INSYN2B: variants seen among roughly 807,000 people sequenced by gnomAD.
The protein encoded by INSYN2B is protein INSYN2B.
INSYN2B carries 16 observed loss-of-function variants against 41.2 expected under a neutral mutation model. That is an observed-to-expected ratio of 0.39 (90% confidence interval 0.26 to 0.59). The LOEUF is 0.59. INSYN2B is among the 20% of genes least tolerant of loss of function. The probability of loss-of-function intolerance (pLI) is 0.57; values close to 1 mark genes in which losing one functional copy is unlikely to be tolerated. For missense variants in INSYN2B, 608 were observed against 646.4 expected, an observed-to-expected ratio of 0.94 and a Z score of 0.64; for synonymous variants, 245 against 244.4, an observed-to-expected ratio of 1.00 and a Z score of -0.02.
chr5:169,902,821 C>T (rs1774004789), intron 1 of INSYN2B, among the ~76,000 whole-genome samples: 1 of 152,024 alleles, frequency 6.6e-6, no homozygotes, highest in Admixed American at 6.5e-5. Flanking sequence ...GGGGTGAGGC[C>T]AGGCGTGGTG....
intron 1 of INSYN2B, among the ~76,000 whole-genome samples, chr5:169,920,792 A>C (rs1250897938): frequency 2.0e-5 from 3 of 152,190 alleles, no homozygotes; most frequent in Admixed American, 6.5e-5. Flanking sequence ...CTAAGAGCTG[A>C]ATGGCTGAGC....
Position 169,863,117 on chromosome 5 carries a change from G to A in INSYN2B, c.*1156C>T, listed in dbSNP as rs976268451. Among the ~76,000 whole-genome samples, 3 of 152,170 alleles carry A rather than the reference G, an allele frequency of 2.0e-5. No individual in the cohort carries two copies. Among genetic ancestry groups the A allele is most frequent in the Non-Finnish European group, 4.4e-5 (3 of 68,032 alleles). ...CATGCAAGTTTGACTGGATCCACAT[G>A]TATGTAGGTCTTGTCAACAGAATGA... On this transcript the variant is annotated 3_prime_UTR_variant, in exon 4 of 4. Transcript: ENST00000377365.
chr5:169,943,832 A>C (rs143148193), intron 1 of INSYN2B, among the ~76,000 whole-genome samples: 83 of 152,326 alleles, frequency 5.4e-4, no homozygotes, highest in African/African-American at 1.6e-3. Flanking sequence ...TCTGACGCTC[A>C]TTAAGTTTGA....
intron 1 of INSYN2B, among the ~76,000 whole-genome samples, chr5:169,912,722 T>G (rs188018831): frequency 1.2e-4 from 19 of 152,214 alleles, no homozygotes; most frequent in African/African-American, 4.6e-4. Flanking sequence ...TGGTCCAGCT[T>G]ATTGTCCAAT....
At chr5:169,933,273 G>A (rs373599763) in intron 1 of INSYN2B, among the ~76,000 whole-genome samples, 1 of 152,196 alleles carries the variant, frequency 6.6e-6, no homozygotes, top group East Asian at 1.9e-4. Flanking sequence ...TTAGCCTGTA[G>A]GACAGTGGCT....
chr5:169,969,948 A>G (rs1306707599), intron 1 of INSYN2B, among the ~76,000 whole-genome samples: 1 of 152,238 alleles, frequency 6.6e-6, no homozygotes, highest in African/African-American at 2.4e-5. Flanking sequence ...ATTGTTGACA[A>G]CAAATTCAAA....
intron 1 of INSYN2B, among the ~76,000 whole-genome samples, chr5:169,940,779 G>T (rs1054687345): frequency 6.6e-6 from 1 of 152,138 alleles, no homozygotes; most frequent in Non-Finnish European, 1.5e-5. Context: ...TACAGATAAA[G>T]CTTCACCCAC....
intron 1 of INSYN2B, among the ~76,000 whole-genome samples, chr5:169,968,899 T>C (rs1214368437): frequency 1.3e-5 from 2 of 152,146 alleles, no homozygotes; most frequent in African/African-American, 4.8e-5. Flanking sequence ...AAATGAATTA[T>C]GCATTTTAGG....
At chr5:169,868,635 G>C (rs971140135) in intron 3 of INSYN2B, among the ~76,000 whole-genome samples, 2 of 152,182 alleles carry the variant, frequency 1.3e-5, no homozygotes, top group African/African-American at 4.8e-5. Flanking sequence ...GTGTGCAACT[G>C]TGATCCCAGC....
intron 1 of INSYN2B, among the ~76,000 whole-genome samples, chr5:169,977,418 A>G (rs1777754018): frequency 6.6e-6 from 1 of 152,242 alleles, no homozygotes; most frequent in Non-Finnish European, 1.5e-5. Flanking sequence ...CAACAAGACA[A>G]TACTAATAAT....
intron 1 of INSYN2B, among the ~76,000 whole-genome samples, chr5:169,938,896 CT>C (rs540935886): frequency 6.9e-6 from 1 of 145,008 alleles, no homozygotes; most frequent in Non-Finnish European, 1.5e-5. Context: ...ATTTTTCTTT[CT>C]TTTTTTTCTT....
chr5:169,935,159 G>A (rs1477879463), intron 1 of INSYN2B, among the ~76,000 whole-genome samples: 1 of 152,208 alleles, frequency 6.6e-6, no homozygotes, highest in Non-Finnish European at 1.5e-5. Flanking sequence ...CTCTTAATTG[G>A]AGGGAGCAGC....
chr5:169,971,254 C>G (rs1777496846), intron 1 of INSYN2B, among the ~76,000 whole-genome samples: 1 of 152,032 alleles, frequency 6.6e-6, no homozygotes, highest in African/African-American at 2.4e-5. Context: ...AAGTATCATT[C>G]CCAGAGCAGG....
chr5:169,901,144 C>T (rs1322931055), intron 1 of INSYN2B, among the ~76,000 whole-genome samples: 1 of 152,058 alleles, frequency 6.6e-6, no homozygotes, highest in Non-Finnish European at 1.5e-5. Context: ...GTGATGTTTG[C>T]ATTGAGGAGG....
chr5:169,948,396 C>T (rs1179328905), intron 1 of INSYN2B, among the ~76,000 whole-genome samples: 1 of 152,074 alleles, frequency 6.6e-6, no homozygotes, highest in African/African-American at 2.4e-5. Flanking sequence ...TTGCACCTTT[C>T]TCTGTTTTTT....
chr5:169,911,099 G>T (rs1000119392), intron 1 of INSYN2B, among the ~76,000 whole-genome samples: 3 of 152,060 alleles, frequency 2.0e-5, no homozygotes, highest in African/African-American at 4.8e-5. Context: ...AGTGACATCA[G>T]TTCTTTTCTA....
At chr5:169,913,244 G>A (rs550824205) in intron 1 of INSYN2B, among the ~76,000 whole-genome samples, 2 of 152,106 alleles carry the variant, frequency 1.3e-5, no homozygotes, top group Non-Finnish European at 1.5e-5. Context: ...GAAACTATTC[G>A]GCTCTACTCA....
intron 1 of INSYN2B, among the ~76,000 whole-genome samples, chr5:169,950,403 A>G (rs1362132539): frequency 6.6e-6 from 1 of 152,252 alleles, no homozygotes; most frequent in Non-Finnish European, 1.5e-5. Context: ...TCTCAGCATA[A>G]CAGTCTTTTT....
intron 3 of INSYN2B, among the ~76,000 whole-genome samples, chr5:169,867,567 T>G (rs1055471008): frequency 6.6e-6 from 1 of 152,142 alleles, no homozygotes. Context: ...GTATCTATTA[T>G]CTATCATCTA....
Sources: allele counts gnomAD v4.1 joint callset (sites outside exome capture counted in the v4.1 genomes callset), GRCh38; gene constraint gnomAD v4.1.1; transcripts MANE v1.5; gene names NCBI Gene and HGNC (gene_info 2026-07-23, HGNC 2026-07-21).